The following RSU1 variants were observed in gnomAD, a reference collection of about 807,000 sequenced individuals.
The protein encoded by RSU1 is Ras suppressor protein 1, also known as rsu-1.
A neutral mutation model predicts 31.1 loss-of-function variants in RSU1; 26 were observed. That is an observed-to-expected ratio of 0.84 (90% CI 0.61 to 1.16). RSU1 has a LOEUF of 1.16. Among genes scored for constraint, RSU1 ranks in the 50% most tolerant of loss-of-function variants. RSU1 has a pLI of 0.00. For missense variants in RSU1, 320 were observed against 339.1 expected (o/e 0.94, Z 0.44); for synonymous variants, 164 against 136.3 (o/e 1.20, Z -1.41).
At chr10:16,616,604 G>A (rs1833981832) in intron 8 of RSU1, among the ~76,000 whole-genome samples, 1 of 152,078 alleles carries the variant, frequency 6.6e-6, no homozygotes, top group Admixed American at 6.5e-5. Flanking sequence ...AGATCAACAG[G>A]TGAAAATCCT....
chr10:16,644,951 C>T (rs1834508764), intron 8 of RSU1, among the ~76,000 whole-genome samples: 1 of 152,006 alleles, frequency 6.6e-6, no homozygotes, highest in South Asian at 2.1e-4. Flanking sequence ...ATTTTATCTG[C>T]AAGAAAATGA....
At chr10:16,789,249 T>C (rs1272886752) in intron 2 of RSU1, among the ~76,000 whole-genome samples, 1 of 152,240 alleles carries the variant, frequency 6.6e-6, no homozygotes, top group Admixed American at 6.5e-5. Flanking sequence ...AATTCAGTCG[T>C]TGCTTCAGCC....
At chr10:16,727,241 T>C (rs1387510486) in intron 7 of RSU1, 3 of 426,698 alleles carry the variant, frequency 7.0e-6, no homozygotes, top group East Asian at 7.3e-5. Flanking sequence ...GCATCTTTTG[T>C]TATAATTTCA....
chr10:16,794,207 G>C (rs570802755), intron 2 of RSU1, among the ~76,000 whole-genome samples: 53 of 152,296 alleles, frequency 3.5e-4, no homozygotes, highest in African/African-American at 1.2e-3. Flanking sequence ...AGCACATCAT[G>C]TGACTTCTTA....
At chr10:16,757,116 C>T (rs567324443) in intron 4 of RSU1, among the ~76,000 whole-genome samples, 39 of 137,720 alleles carry the variant, frequency 2.8e-4, no homozygotes, top group South Asian at 1.2e-3. Flanking sequence ...TGTGGGTGTG[C>T]GTGTGTGTGT....
At chr10:16,594,500 ACTCCTGGGCTCAAG>A (rs932943629) in intron 8 of RSU1, among the ~76,000 whole-genome samples, 3 of 149,886 alleles carry the variant, frequency 2.0e-5, no homozygotes, top group Non-Finnish European at 4.4e-5. Context: ...GCAGCCTCAA[ACTCCTGGGCTCAAG>A]CGATCTCATG....
intron 7 of RSU1, among the ~76,000 whole-genome samples, chr10:16,732,084 T>C (rs1836523205): frequency 6.7e-6 from 1 of 149,180 alleles, no homozygotes; most frequent in Non-Finnish European, 1.5e-5. Flanking sequence ...GCCTCAGTAT[T>C]ACCCAACTAG....
intron 8 of RSU1, among the ~76,000 whole-genome samples, chr10:16,638,593 A>G (rs1834387945): frequency 6.6e-6 from 1 of 152,230 alleles, no homozygotes; most frequent in Admixed American, 6.5e-5. Context: ...GTTTTGGATG[A>G]GATGAGACTG....
At chr10:16,674,399 G>GTTT (rs79255856) in intron 8 of RSU1, among the ~76,000 whole-genome samples, 1 of 139,940 alleles carries the variant, frequency 7.1e-6, no homozygotes, top group African/African-American at 2.6e-5. Context: ...GTCACGGAAG[G>GTTT]TTTTTTTTTT....
At chr10:16,645,446 G>GA (rs35767561) in intron 8 of RSU1, among the ~76,000 whole-genome samples, 9,514 of 152,032 alleles carry the variant, frequency 0.063, 1,018 homozygotes, top group African/African-American at 0.21. Flanking sequence ...TTTTCCAAAA[G>GA]AAAAAATTTC....
At chr10:16,808,203 C>A (rs1301774257) in intron 2 of RSU1, among the ~76,000 whole-genome samples, 2 of 151,270 alleles carry the variant, frequency 1.3e-5, no homozygotes, top group Non-Finnish European at 3.0e-5. Flanking sequence ...TCCAACCGGG[C>A]GCAGTGGCTC....
At chr10:16,717,899 G>A (rs189908603) in intron 7 of RSU1, among the ~76,000 whole-genome samples, 14 of 151,910 alleles carry the variant, frequency 9.2e-5, no homozygotes, top group East Asian at 3.9e-4. Flanking sequence ...TTTTGGACGC[G>A]GGTGAGGATG....
intron 7 of RSU1, chr10:16,726,902 C>T (rs1836407492): frequency 2.7e-6 from 1 of 365,248 alleles, no homozygotes; most frequent in East Asian, 7.4e-5. Flanking sequence ...CAAAATCCAC[C>T]ATGCAGAAGG....
At chr10:16,712,011 T>C (rs1016445474) in intron 7 of RSU1, among the ~76,000 whole-genome samples, 1 of 152,232 alleles carries the variant, frequency 6.6e-6, no homozygotes, top group Non-Finnish European at 1.5e-5. Flanking sequence ...TACATCTGTA[T>C]GTTTCAGGGT....
At chr10:16,676,179 G>C (rs1835228040) in intron 8 of RSU1, among the ~76,000 whole-genome samples, 1 of 152,208 alleles carries the variant, frequency 6.6e-6, no homozygotes, top group Non-Finnish European at 1.5e-5. Flanking sequence ...CCCTGTATTA[G>C]TCCATTTTCA....
intron 8 of RSU1, among the ~76,000 whole-genome samples, chr10:16,599,401 T>A (rs1833677531): frequency 6.6e-6 from 1 of 152,134 alleles, no homozygotes; most frequent in South Asian, 2.1e-4. Context: ...GCATGTGCCC[T>A]CAGGGCCACT....
chr10:16,779,347 T>G (rs1023134869), intron 3 of RSU1, among the ~76,000 whole-genome samples: 2 of 152,204 alleles, frequency 1.3e-5, no homozygotes, highest in East Asian at 3.8e-4. Flanking sequence ...GATCCCACTT[T>G]CAGCTTCCTT....
At chr10:16,614,666 T>C (rs1833945691) in intron 8 of RSU1, among the ~76,000 whole-genome samples, 1 of 152,070 alleles carries the variant, frequency 6.6e-6, no homozygotes, top group South Asian at 2.1e-4. Context: ...AAATAAGCTT[T>C]TAAAAGAGGA....
intron 4 of RSU1, among the ~76,000 whole-genome samples, chr10:16,755,933 C>T (rs541729659): frequency 6.6e-5 from 10 of 152,298 alleles, no homozygotes; most frequent in South Asian, 4.1e-4. Flanking sequence ...TTTCCTCCAA[C>T]GGTGAAACTT....
Sources: allele counts gnomAD v4.1 joint callset (sites outside exome capture counted in the v4.1 genomes callset), GRCh38; gene constraint gnomAD v4.1.1; transcripts MANE v1.5; gene names NCBI Gene and HGNC (gene_info 2026-07-23, HGNC 2026-07-21).